PRELID2: variants seen among roughly 807,000 people sequenced by gnomAD.
PRELID2 encodes PRELI domain containing 2.
Under a neutral mutation model 28.4 loss-of-function variants are expected in PRELID2, and 25 were observed. The ratio of observed to expected loss-of-function variants is 0.88; its 90% CI spans 0.64 to 1.23. The LOEUF is 1.23. PRELID2 is among the 50% of genes most tolerant of loss of function. PRELID2 has a pLI of 0.00. For synonymous variants in PRELID2, 76 were observed against 71.6 expected, an observed-to-expected ratio of 1.06 and a Z score of -0.31; for missense variants, 201 against 214.4, an observed-to-expected ratio of 0.94 and a Z score of 0.39.
the PRELID2 span, among the ~76,000 whole-genome samples, chr5:145,255,659 T>C: frequency 1.3e-5 from 2 of 151,878 alleles, no homozygotes; most frequent in Non-Finnish European, 2.9e-5. Flanking sequence ...TGTGTACCTA[T>C]AGTCCCAGCT....
At chr5:145,671,399 T>C (rs936113421) in intron 1 of PRELID2, among the ~76,000 whole-genome samples, 1 of 152,150 alleles carries the variant, frequency 6.6e-6, no homozygotes, top group Non-Finnish European at 1.5e-5. Context: ...TAGATTAGAT[T>C]CTCTGAATTA....
chr5:145,243,464 T>G, the PRELID2 span, among the ~76,000 whole-genome samples: 1 of 152,076 alleles, frequency 6.6e-6, no homozygotes, highest in East Asian at 1.9e-4. Flanking sequence ...AGCAAAACAT[T>G]GAAATAGTAA....
intron 4 of PRELID2, among the ~76,000 whole-genome samples, chr5:145,812,209 G>C (rs1340313747): frequency 6.6e-6 from 1 of 151,940 alleles, no homozygotes; most frequent in East Asian, 1.9e-4. Context: ...ATTAAATGTG[G>C]ACAAATTAGT....
the PRELID2 span, among the ~76,000 whole-genome samples, chr5:145,458,633 C>T: frequency 1.3e-5 from 2 of 152,024 alleles, no homozygotes; most frequent in African/African-American, 4.8e-5. Context: ...AGGACATCCT[C>T]CAGAAACAAA....
In PRELID2 at chr5:145,643,724, G is replaced by C. The variant is rs377163498; in HGVS notation, n.70+121207C>G. The stretch of plus-strand genomic sequence containing the variant: ...TTTTTTGAGAGTTTTTAGCATGAAG[G>C]GGTGTTGAATTTTGTCGAAGACATT... On this transcript the variant is annotated intron_variant and non_coding_transcript_variant, in intron 1 of 2. Transcript: ENST00000510259. Among the ~76,000 whole-genome samples the C allele has an allele frequency of 3.1e-4, 47 of 152,200 alleles. No homozygotes were observed. In the South Asian group the frequency reaches 8.9e-3, roughly 29 times the overall value.
the PRELID2 span, among the ~76,000 whole-genome samples, chr5:145,320,334 G>A: frequency 2.0e-5 from 3 of 151,776 alleles, no homozygotes; most frequent in African/African-American, 7.3e-5. Context: ...GCAGTGGCGG[G>A]ATCTCGGCTC....
chr5:145,574,269 T>C (rs1753040410), intron 1 of PRELID2, among the ~76,000 whole-genome samples: 1 of 152,134 alleles, frequency 6.6e-6, no homozygotes, highest in Admixed American at 6.5e-5. Flanking sequence ...GGAAATAGAC[T>C]CTTCCCTAGA....
intron 1 of PRELID2, among the ~76,000 whole-genome samples, chr5:145,689,176 G>A (rs539384698): frequency 6.6e-6 from 1 of 152,168 alleles, no homozygotes; most frequent in Non-Finnish European, 1.5e-5. Context: ...TGCCTGGCTG[G>A]TGCTTATTTC....
chr5:145,671,275 C>T (rs541963224), intron 1 of PRELID2, among the ~76,000 whole-genome samples: 2 of 152,148 alleles, frequency 1.3e-5, no homozygotes, highest in South Asian at 2.1e-4. Context: ...AGGCAAAGTG[C>T]TTGACTTTTT....
chr5:145,530,526 C>T (rs1170766708), intron 1 of PRELID2, among the ~76,000 whole-genome samples: 1 of 151,594 alleles, frequency 6.6e-6, no homozygotes, highest in African/African-American at 2.4e-5. Flanking sequence ...ACAGGAAGGA[C>T]GATGATGAGT....
At chr5:145,405,888 G>A in the PRELID2 span, among the ~76,000 whole-genome samples, 8 of 151,898 alleles carry the variant, frequency 5.3e-5, no homozygotes, top group South Asian at 1.7e-3. Flanking sequence ...TGTATTTTTA[G>A]TAGAGACGGG....
chr5:145,287,069 T>C, the PRELID2 span, among the ~76,000 whole-genome samples: 2 of 152,178 alleles, frequency 1.3e-5, no homozygotes, highest in Admixed American at 6.5e-5. Context: ...GAACTATTAA[T>C]ATATTTTTTA....
intron 1 of PRELID2, among the ~76,000 whole-genome samples, chr5:145,586,747 A>T (rs1753158751): frequency 6.6e-6 from 1 of 150,970 alleles, no homozygotes. Flanking sequence ...GGAAAGTTTG[A>T]GATTATTAAA....
intron 1 of PRELID2, among the ~76,000 whole-genome samples, chr5:145,571,853 T>A (rs1231090240): frequency 6.6e-6 from 1 of 151,932 alleles, no homozygotes; most frequent in Non-Finnish European, 1.5e-5. Flanking sequence ...TGGTGGCAGA[T>A]GTCTGTAGTC....
At chr5:145,236,846 GA>G in the PRELID2 span, among the ~76,000 whole-genome samples, 4 of 151,980 alleles carry the variant, frequency 2.6e-5, no homozygotes, top group Admixed American at 6.6e-5. Context: ...AACCTCTTTG[GA>G]AAAATAGCCA....
the PRELID2 span, among the ~76,000 whole-genome samples, chr5:145,287,567 G>A: frequency 8.5e-5 from 13 of 152,246 alleles, no homozygotes; most frequent in East Asian, 2.5e-3. Flanking sequence ...GGTTGATCAT[G>A]TGTAACTGAA....
the PRELID2 span, among the ~76,000 whole-genome samples, chr5:145,320,355 C>A: frequency 6.6e-6 from 1 of 151,808 alleles, no homozygotes; most frequent in African/African-American, 2.4e-5. Flanking sequence ...ACTGCAAGCT[C>A]CGCCTCACCG....
chr5:145,454,962 G>A, the PRELID2 span, among the ~76,000 whole-genome samples: 3 of 152,096 alleles, frequency 2.0e-5, no homozygotes, highest in East Asian at 5.8e-4. Context: ...TTCTTTTGCT[G>A]TGCAGAAGCT....
rs61665534 is a variant in PRELID2 at position 145,576,676 on chromosome 5, TAAA to T, written n.71-103364_71-103362del. ...ACACTACATGGTTATAGCACAATAG[TAAA>T]AAAAAAAAAAAGATGCAGTTTGTTA... On this transcript the variant is annotated intron_variant and non_coding_transcript_variant, in intron 1 of 2. Transcript: ENST00000510259. Among the ~76,000 whole-genome samples, 1,013 of 141,466 alleles carry T rather than the reference TAAA, an allele frequency of 7.2e-3. 13 individuals carry two copies. The highest frequency in any genetic ancestry group is 0.024 in the African/African-American group (922 of 39,076). 92.8% of individuals were successfully genotyped at this position (141,466 alleles called of 152,430 possible).
Sources: allele counts gnomAD v4.1 joint callset (sites outside exome capture counted in the v4.1 genomes callset), GRCh38; gene constraint gnomAD v4.1.1; transcripts MANE v1.5; gene names NCBI Gene and HGNC (gene_info 2026-07-23, HGNC 2026-07-21).